LRMDA: variants seen among roughly 807,000 people sequenced by gnomAD.
LRMDA encodes the protein leucine rich melanocyte differentiation associated, also known as leucine-rich melanocyte differentiation-associated protein.
A neutral mutation model predicts 29.8 loss-of-function variants in LRMDA; 18 were observed. The ratio of observed to expected loss-of-function variants is 0.60; its 90% CI spans 0.42 to 0.90. The LOEUF is 0.90. LRMDA is among the 40% of genes least tolerant of loss of function. LRMDA has a pLI of 0.00. For missense variants in LRMDA, 273 were observed against 273.9 expected, an observed-to-expected ratio of 1.00 and a Z score of 0.02; for synonymous variants, 125 against 109.4, an observed-to-expected ratio of 1.14 and a Z score of -0.89.
At chr10:76,023,445 A>G (rs1350472349) in intron 2 of LRMDA, among the ~76,000 whole-genome samples, 1 of 151,980 alleles carries the variant, frequency 6.6e-6, no homozygotes, top group Non-Finnish European at 1.5e-5. Flanking sequence ...TTTTTTGGCC[A>G]TCTGAGGGTT....
At chr10:75,772,807 A>G (rs1038149121) in intron 2 of LRMDA, among the ~76,000 whole-genome samples, 1 of 128,148 alleles carries the variant, frequency 7.8e-6, no homozygotes, top group African/African-American at 3.0e-5. Flanking sequence ...ACTAGAGCAC[A>G]TTTCATAGCC....
Position 76,006,869 on chromosome 10 carries a change from A to T in LRMDA, c.132-29139A>T, listed in dbSNP as rs75644290. Among the ~76,000 whole-genome samples, 392 of 152,258 alleles carry T rather than the reference A, an allele frequency of 2.6e-3. 13 individuals carry two copies. The East Asian group carries it at 0.061, about 24-fold the overall frequency. ...GTAAGATGAGCCCCACATTTTAGAG[A>T]TGCAATTTGAAAAGCAAGCGTTAAG... On this transcript the variant is annotated intron_variant, in intron 2 of 6. Coordinates refer to ENST00000611255, the MANE Select transcript of LRMDA (RefSeq NM_001305581.2).
At chr10:76,001,876 C>A (rs1272237786) in intron 2 of LRMDA, among the ~76,000 whole-genome samples, 1 of 152,118 alleles carries the variant, frequency 6.6e-6, no homozygotes, top group Non-Finnish European at 1.5e-5. Flanking sequence ...CCTTGGAGAA[C>A]CCCAAATGGG....
At chr10:76,290,323 C>A (rs1394773716) in intron 5 of LRMDA, among the ~76,000 whole-genome samples, 1 of 151,624 alleles carries the variant, frequency 6.6e-6, no homozygotes, top group African/African-American at 2.4e-5. Flanking sequence ...AGTTGAAAAG[C>A]ATGGGTCTGC....
intron 2 of LRMDA, among the ~76,000 whole-genome samples, chr10:75,690,263 A>C (rs769551133): frequency 1.3e-5 from 2 of 152,176 alleles, no homozygotes; most frequent in Non-Finnish European, 2.9e-5. Context: ...GTGTGACACA[A>C]CTAGTCAGTG....
rs201342818 is a variant in LRMDA, at chr10:76,476,114, G to A, written c.602-81095G>A. On this transcript the variant is annotated intron_variant, in intron 6 of 6. Coordinates refer to ENST00000611255, the MANE Select transcript of LRMDA (RefSeq NM_001305581.2). ...CAAAAAATCAATGAATCCAGGAGCT[G>A]GTTTTTTGAAAAGATCAACAAAACT... 8.1e-4 allele frequency among the ~76,000 whole-genome samples: 124 copies of A among 152,172 alleles called. No individual in the cohort carries two copies. The East Asian group carries it at 0.022, about 27-fold the overall frequency.
intron 2 of LRMDA, among the ~76,000 whole-genome samples, chr10:75,591,873 G>A (rs1289551611): frequency 6.6e-6 from 1 of 152,062 alleles, no homozygotes; most frequent in Non-Finnish European, 1.5e-5. Flanking sequence ...GGAGGAGAGG[G>A]GTGAAAAACG....
chr10:75,546,696 C>T (rs1010500990), intron 2 of LRMDA, among the ~76,000 whole-genome samples: 7 of 151,784 alleles, frequency 4.6e-5, no homozygotes, highest in African/African-American at 1.7e-4. Flanking sequence ...GGAGTTTCTG[C>T]CCCCAAGGGA....
At chr10:76,509,115 A>G (rs1842985507) in intron 6 of LRMDA, among the ~76,000 whole-genome samples, 1 of 152,158 alleles carries the variant, frequency 6.6e-6, no homozygotes. Flanking sequence ...AATTTGAGCT[A>G]TATTCACTCA....
chr10:76,023,607 C>T (rs995816916), intron 2 of LRMDA, among the ~76,000 whole-genome samples: 1 of 152,166 alleles, frequency 6.6e-6, no homozygotes, highest in African/African-American at 2.4e-5. Flanking sequence ...CTAGCCTAGC[C>T]GCCTTAGTTT....
chr10:76,485,772 T>C (rs778717312), intron 6 of LRMDA, among the ~76,000 whole-genome samples: 1 of 151,884 alleles, frequency 6.6e-6, no homozygotes, highest in Admixed American at 6.6e-5. Context: ...CACTGAAATA[T>C]AGAAGTACCT....
rs1257436258 is a variant in LRMDA, at chr10:76,557,836, T to C, written c.*548T>C. The C allele has an allele frequency of 6.6e-6, 1 of 152,464 alleles. No individual in the cohort carries two copies. Among genetic ancestry groups the C allele is most frequent in the Non-Finnish European group, 1.5e-5 (1 of 68,274 alleles). 9.4% of individuals were successfully genotyped at this position (152,464 alleles called of 1,614,324 possible). ...CTGCATATACATAGCTCCCGTCTCT[T>C]CCCCTCCACCTTCCTTTAGCATCGA... is the stretch of plus-strand genomic sequence containing the variant. On this transcript the variant is annotated 3_prime_UTR_variant, in exon 7 of 7. Coordinates refer to ENST00000611255, the MANE Select transcript of LRMDA (RefSeq NM_001305581.2).
At chr10:75,967,674 A>C (rs1222270966) in intron 2 of LRMDA, among the ~76,000 whole-genome samples, 1 of 151,824 alleles carries the variant, frequency 6.6e-6, no homozygotes, top group Non-Finnish European at 1.5e-5. Flanking sequence ...TAATCTGCAC[A>C]GTATGAAGCC....
At chr10:75,440,130 G>T (rs1037870956) in intron 2 of LRMDA, among the ~76,000 whole-genome samples, 2 of 150,698 alleles carry the variant, frequency 1.3e-5, no homozygotes, top group East Asian at 2.0e-4. Context: ...GGGAGAGGAG[G>T]TACTGGACCT....
intron 2 of LRMDA, among the ~76,000 whole-genome samples, chr10:75,835,628 C>G (rs1366915045): frequency 3.9e-5 from 6 of 152,206 alleles, no homozygotes; most frequent in Admixed American, 3.9e-4. Flanking sequence ...AGTCAGAAAC[C>G]TAGATTTCAG....
At chr10:76,396,901 A>C (rs1307087907) in intron 6 of LRMDA, among the ~76,000 whole-genome samples, 1 of 152,190 alleles carries the variant, frequency 6.6e-6, no homozygotes, top group African/African-American at 2.4e-5. Context: ...GAGGAATCAC[A>C]TTCTCATTGC....
rs184109231 is a variant in LRMDA, at chr10:76,287,026, G to A, written c.517-37375G>A. 1.5e-4 allele frequency among the ~76,000 whole-genome samples: 23 copies of A among 152,236 alleles called. No individual in the cohort carries two copies. The East Asian group carries it at 4.1e-3, about 27-fold the overall frequency. ...CTCTATTATTAATGGCAGAGACAAT[G>A]ATATAATTATTTATGCTGGAACTCA... On this transcript the variant is annotated intron_variant, in intron 5 of 6. Coordinates refer to ENST00000611255, the MANE Select transcript of LRMDA (RefSeq NM_001305581.2).
At chr10:76,474,272 T>C (rs1214234789) in intron 6 of LRMDA, among the ~76,000 whole-genome samples, 1 of 151,470 alleles carries the variant, frequency 6.6e-6, no homozygotes, top group Non-Finnish European at 1.5e-5. Flanking sequence ...AGCATAAAAC[T>C]CTTAGAAGAA....
intron 2 of LRMDA, among the ~76,000 whole-genome samples, chr10:75,501,517 G>A (rs1449657975): frequency 7.2e-5 from 11 of 152,180 alleles, no homozygotes; most frequent in African/African-American, 4.8e-5. Flanking sequence ...GTTTATAGAC[G>A]TGGAATGAGG....
Sources: allele counts gnomAD v4.1 joint callset (sites outside exome capture counted in the v4.1 genomes callset), GRCh38; gene constraint gnomAD v4.1.1; transcripts MANE v1.5; gene names NCBI Gene and HGNC (gene_info 2026-07-23, HGNC 2026-07-21).